Variants in RASGRP2 observed in about 807,000 individuals in gnomAD.
RASGRP2 encodes RAS guanyl releasing protein 2.
Under a neutral mutation model 71.0 loss-of-function variants are expected in RASGRP2, and 44 were observed. That is an observed-to-expected ratio of 0.62 (90% CI 0.49 to 0.80). RASGRP2 has a LOEUF of 0.80. Among genes scored for constraint, RASGRP2 ranks in the 30% least tolerant of loss-of-function variants. The pLI, the probability that RASGRP2 is intolerant of heterozygous loss-of-function variation, is 0.00. For missense variants in RASGRP2, 663 were observed against 813.4 expected (o/e 0.82, Z 2.25); for synonymous variants, 350 against 330.7 (o/e 1.06, Z -0.63).
chr11:64,730,783 C>A (rs1301093375), intron 12 of RASGRP2, among the ~76,000 whole-genome samples: 5 of 152,234 alleles, frequency 3.3e-5, no homozygotes, highest in Admixed American at 2.0e-4. Context: ...GCCTCTTGAC[C>A]TGTAGCGGAG....
intron 9 of RASGRP2, 75 bp downstream of exon 9, chr11:64,736,678 G>A (rs927116989): frequency 4.2e-5 from 63 of 1,493,248 alleles, no homozygotes; most frequent in Middle Eastern, 2.3e-4. Context: ...CCCAGGCCAC[G>A]CCCACAGCCA....
rs71581756 is a variant in RASGRP2, at chr11:64,743,155, C to T, written c.-71-218G>A. 17 of 629,944 alleles carry T rather than the reference C, an allele frequency of 2.7e-5. No homozygotes were observed. The highest frequency in any genetic ancestry group is 2.5e-4 in the Middle Eastern group (1 of 3,980). 39.0% of individuals were successfully genotyped at this position (629,944 alleles called of 1,614,324 possible). A position where few individuals can be genotyped will look rare whatever the true frequency, so the allele number is the denominator to read the frequency against. ...GGCTTCCGGCCCACCCTCGGAGTCG[C>T]GGGAAGGCCGAGGGGCTTCACGAGG... On this transcript the variant is annotated intron_variant, in intron 1 of 16. Transcript: ENST00000394432. The surrounding 1 kb of genome is among the most constrained non-coding windows in gnomAD (Gnocchi z 4.9).
In RASGRP2 at chr11:64,740,345, A is replaced by G. The variant is rs186397427; in HGVS notation, c.372-182T>C. On this transcript the variant is annotated intron_variant, in intron 5 of 16. Transcript: ENST00000394432. Reference sequence around the variant, plus strand: ...CTCCCCCGACCCCGTCATGCACTCAACACACATTTATGAACAACGTACTCT... The same window carrying G: ...CTCCCCCGACCCCGTCATGCACTCAGCACACATTTATGAACAACGTACTCT... 123 of 745,494 alleles carry G rather than the reference A, an allele frequency of 1.6e-4. No homozygotes were observed. In the East Asian group the frequency reaches 3.1e-3, roughly 19 times the overall value. 46.2% of individuals were successfully genotyped at this position (745,494 alleles called of 1,614,324 possible). A position where few individuals can be genotyped will look rare whatever the true frequency, so the allele number is the denominator to read the frequency against.
chr11:64,743,497 G>C lies in RASGRP2; in HGVS notation c.-72+506C>G, dbSNP rs2058210988. The C allele has an allele frequency of 2.9e-6, 1 of 348,418 alleles. No individual in the cohort carries two copies. Among genetic ancestry groups the C allele is most frequent in the Non-Finnish European group, 5.7e-6 (1 of 176,766 alleles). 21.6% of individuals were successfully genotyped at this position (348,418 alleles called of 1,614,324 possible). A position where few individuals can be genotyped will look rare whatever the true frequency, so the allele number is the denominator to read the frequency against. On this transcript the variant is annotated intron_variant, in intron 1 of 16. Coordinates refer to ENST00000394432, the MANE Select transcript of RASGRP2 (RefSeq NM_001098671.2). The surrounding 1 kb of genome is among the most constrained non-coding windows in gnomAD (Gnocchi z 4.9). ...GGCAGCCCCCAGGGGGCCTGCCCTA[G>C]GGGAGGCGGACTGGATGGGAGAGGA...
chr11:64,741,965 A>G, intron 3 of RASGRP2, 45 bp downstream of exon 3: 1 of 1,530,338 alleles, frequency 6.5e-7, no homozygotes, highest in Non-Finnish European at 9.0e-7. Flanking sequence ...GGGGCTGCGC[A>G]TGGGCTCCGA....
At chr11:64,727,467 C>T in intron 15 of RASGRP2, 107 bp from the exon 16 acceptor site, 1 of 1,012,528 alleles carries the variant, frequency 9.9e-7, no homozygotes. Flanking sequence ...AGCAGACCCA[C>T]CCACCAAAAA....
chr11:64,730,594 A>AAT (rs753838686), intron 12 of RASGRP2, among the ~76,000 whole-genome samples: 2 of 152,238 alleles, frequency 1.3e-5, no homozygotes, highest in Admixed American at 6.5e-5. Context: ...GATTGGGAGA[A>AAT]ATCGCATCCC....
At chr11:64,744,413 C>A (rs183607272), upstream of RASGRP2, 10 of 638,238 alleles carry the variant, frequency 1.6e-5, no homozygotes, top group Admixed American at 1.9e-4. Flanking sequence ...GAGCCGTCCC[C>A]GCCTGGCTCT....
chr11:64,729,440 G>A (rs953348708), intron 14 of RASGRP2, among the ~76,000 whole-genome samples: 4 of 151,790 alleles, frequency 2.6e-5, no homozygotes, highest in Non-Finnish European at 4.4e-5. Flanking sequence ...AGGTTCAAGC[G>A]ATTCTCATGC....
intron 8 of RASGRP2, among the ~76,000 whole-genome samples, chr11:64,738,308 C>A (rs893930508): frequency 6.6e-6 from 1 of 152,156 alleles, no homozygotes; most frequent in South Asian, 2.1e-4. Context: ...TTGCAAAAGT[C>A]GTGGGGAGGG....
rs2230415 is a variant in RASGRP2 at position 64,727,064 on chromosome 11, C to T, written c.*74G>A. On this transcript the variant is annotated 3_prime_UTR_variant, in exon 17 of 17. Transcript: ENST00000394432. ...CATCCCCAGCCTCCTGCCCCGACAC[C>T]CCCAGGCTCCCTGCTCTGGTTGAAG... 507 of 488,374 alleles carry T rather than the reference C, an allele frequency of 1.0e-3. 3 individuals are homozygous for T. Among genetic ancestry groups the T allele is most frequent in the African/African-American group, 9.1e-3 (465 of 50,842 alleles). 30.3% of individuals were successfully genotyped at this position (488,374 alleles called of 1,614,324 possible).
chr11:64,741,868 T>A, intron 3 of RASGRP2, 142 bp downstream of exon 3: 1 of 759,226 alleles, frequency 1.3e-6, no homozygotes, highest in South Asian at 1.5e-5. Flanking sequence ...TAGGCCCTAG[T>A]TGGAGGCTGG....
rs763778233 is a variant in RASGRP2, at chr11:64,742,522, G to C, written c.73+272C>G. On this transcript the variant is annotated intron_variant, in intron 2 of 16. Transcript: ENST00000394432. The surrounding 1 kb of genome is among the most constrained non-coding windows in gnomAD (Gnocchi z 4.7). ...GCGAGTTCCTCCGGATTCCCCGGGA[G>C]ACAGATAATGCCCCTCAAGTGTCAG... The C allele has an allele frequency of 1.6e-4, 95 of 588,050 alleles. No individual in the cohort carries two copies. The highest frequency in any genetic ancestry group is 2.4e-4 in the Non-Finnish European group (78 of 329,644). 36.4% of individuals were successfully genotyped at this position (588,050 alleles called of 1,614,324 possible). A position where few individuals can be genotyped will look rare whatever the true frequency, so the allele number is the denominator to read the frequency against.
rs1731051245 is a variant in RASGRP2, at chr11:64,744,076, C to A, written c.-145G>T. On this transcript the variant is annotated 5_prime_UTR_variant, in exon 1 of 17. Transcript: ENST00000394432. ...GGACGTGCTGTTCACTTGAGCCAGGCCAGCCTTGAGTCCCGCGGCCACACA... is the reference window on the plus strand; with the variant it reads ...GGACGTGCTGTTCACTTGAGCCAGGACAGCCTTGAGTCCCGCGGCCACACA... 2.3e-5 allele frequency: 23 copies of A among 987,948 alleles called. No individual in the cohort carries two copies. The highest frequency in any genetic ancestry group is 2.8e-5 in the Non-Finnish European group (23 of 830,864). The allele number at this position is 987,948 out of a possible 1,614,324, so 61.2% of individuals were successfully genotyped here.
upstream of RASGRP2, chr11:64,744,367 G>C: frequency 1.0e-6 from 1 of 965,998 alleles, no homozygotes; most frequent in Non-Finnish European, 1.2e-6. Flanking sequence ...GCTCCTGTAC[G>C]GAGTTCTCAG....
Position 64,730,187 on chromosome 11 carries a change from A to C in RASGRP2, c.1420T>G (p.Cys474Gly). 1 of 1,551,630 alleles carries C rather than the reference A, an allele frequency of 6.4e-7. No individual in the cohort carries two copies. Among genetic ancestry groups the C allele is most frequent in the Non-Finnish European group, 8.7e-7 (1 of 1,146,990 alleles). The change falls in exon 13 of 17, where the codon TGC becomes GGC. Residue 474 changes from cysteine to glycine, a missense_variant. Transcript: ENST00000394432. ...FGDLDQNQDG[C>G]ISREEMVSYF... The stretch of plus-strand genomic sequence containing the variant: ...GAAACCATCTCCTCCCTGCTGATGC[A>C]GCCATCCCTGTGGGGAGTTGCGGGG...
At chr11:64,738,282 A>G (rs2135773479) in intron 8 of RASGRP2, among the ~76,000 whole-genome samples, 1 of 152,324 alleles carries the variant, frequency 6.6e-6, no homozygotes, top group East Asian at 1.9e-4. Context: ...AGCTATAAAG[A>G]AAAGCAAGAT....
At chr11:64,741,669 G>A (rs1314716950) in intron 3 of RASGRP2, 168 bp from the exon 4 acceptor site, 6 of 726,120 alleles carry the variant, frequency 8.3e-6, no homozygotes, top group South Asian at 7.6e-5. Context: ...GGAGGTGGGG[G>A]TGGAGGACTA....
At chr11:64,741,523 G>A in intron 3 of RASGRP2, 22 bp from the exon 4 acceptor site, 1 of 1,552,096 alleles carries the variant, frequency 6.4e-7, no homozygotes, top group South Asian at 1.2e-5. Context: ...GGTTAAGGAG[G>A]CCGCTTAACT....
Sources: allele counts gnomAD v4.1 joint callset (sites outside exome capture counted in the v4.1 genomes callset), GRCh38; gene constraint gnomAD v4.1.1; non-coding constraint Gnocchi (gnomAD v3.1); transcripts MANE v1.5; gene names NCBI Gene and HGNC (gene_info 2026-07-23, HGNC 2026-07-21).